BPHL: variants seen among roughly 807,000 people sequenced by gnomAD.
The protein encoded by BPHL is biphenyl hydrolase like, also known as serine hydrolase BPHL.
A neutral mutation model predicts 31.2 loss-of-function variants in BPHL; 27 were observed. That is an observed-to-expected ratio of 0.87 (90% CI 0.64 to 1.19). BPHL has a LOEUF of 1.19. BPHL is among the 50% of genes most tolerant of loss of function. The pLI is 0.00. For synonymous variants in BPHL, 150 were observed against 146.8 expected, an observed-to-expected ratio of 1.02 and a Z score of -0.16; for missense variants, 356 against 375.7, an observed-to-expected ratio of 0.95 and a Z score of 0.43.
chr6:3,150,720 A>G (rs539089301), intron 6 of BPHL, among the ~76,000 whole-genome samples: 51 of 152,350 alleles, frequency 3.3e-4, no homozygotes, highest in Middle Eastern at 3.4e-3. Flanking sequence ...ATGCCCATCT[A>G]TTGTGGTCCT....
chr6:3,120,155 C>T (rs1452173364), intron 1 of BPHL, among the ~76,000 whole-genome samples: 5 of 152,134 alleles, frequency 3.3e-5, no homozygotes, highest in Non-Finnish European at 7.4e-5. Context: ...TGGCCTCAGC[C>T]TCCCGAGTAG....
chr6:3,118,612 G>A, upstream of BPHL: 1 of 617,056 alleles, frequency 1.6e-6, no homozygotes, highest in Non-Finnish European at 2.3e-6. Flanking sequence ...GGCGGGGCGG[G>A]CAGAGGGCGG....
intron 4 of BPHL, among the ~76,000 whole-genome samples, chr6:3,132,135 TC>T (rs1198221771): frequency 6.6e-6 from 1 of 152,066 alleles, no homozygotes; most frequent in African/African-American, 2.4e-5. Context: ...TTCTTTTTCA[TC>T]CCCCATCCTC....
At chr6:3,127,967 C>T (rs1306389212) in intron 3 of BPHL, among the ~76,000 whole-genome samples, 2 of 152,036 alleles carry the variant, frequency 1.3e-5, no homozygotes. Flanking sequence ...ATTACAGGCA[C>T]ATGCCACTAT....
intron 4 of BPHL, among the ~76,000 whole-genome samples, chr6:3,133,182 A>G (rs2113758292): frequency 6.6e-6 from 1 of 152,272 alleles, no homozygotes; most frequent in East Asian, 1.9e-4. Context: ...CACAAAAGTG[A>G]GGAAACCTTC....
At position 3,127,740 on chromosome 6, in the gene BPHL, CAATAAATATGCATTTATACTAGTT is replaced by C. The variant is rs557033378; in HGVS notation, c.378+333_378+356del. ...TTTTTCAAGGAAATAACTTTCATGT[CAATAAATATGCATTTATACTAGTT>C]GTATGATAGGCACATATTATTCCAT... On this transcript the variant is annotated intron_variant, in intron 3 of 6. Coordinates refer to ENST00000380379, the MANE Select transcript of BPHL (RefSeq NM_004332.4). Among the ~76,000 whole-genome samples, 98 of 152,122 alleles carry C rather than the reference CAATAAATATGCATTTATACTAGTT, an allele frequency of 6.4e-4. 1 individual carries two copies. In the East Asian group the frequency reaches 0.018, roughly 27 times the overall value.
chr6:3,137,480 A>C lies in BPHL; in HGVS notation c.651A>C (p.Lys217Asn). 1 of 1,613,654 alleles carries C rather than the reference A, an allele frequency of 6.2e-7. No individual in the cohort carries two copies. Among genetic ancestry groups the C allele is most frequent in the Non-Finnish European group, 8.5e-7 (1 of 1,179,942 alleles). Residue 217 changes from lysine to asparagine, a missense_variant, in exon 5 of 7, where the codon AAA (lysine) becomes AAC (asparagine). Lys to Asn is a moderately conservative substitution (Grantham distance 94). Coordinates refer to ENST00000380379, the MANE Select transcript of BPHL (RefSeq NM_004332.4). Reference protein sequence around the residue: ...EKWVDGIRQFKHLPDGNICRH... With the variant: ...EKWVDGIRQFNHLPDGNICRH... ...GGGTGGATGGCATAAGACAGTTTAA[A>C]CATCTCCCAGATGGTAGGTTACTGG...
intron 1 of BPHL, among the ~76,000 whole-genome samples, chr6:3,122,410 T>G (rs1761602429): frequency 1.3e-5 from 2 of 152,250 alleles, no homozygotes; most frequent in African/African-American, 2.4e-5. Flanking sequence ...CCTCCTGTGC[T>G]TCACTCAGTC....
At position 3,118,775 on chromosome 6, in the gene BPHL, G is replaced by T. The variant is rs1761464604; in HGVS notation, c.35G>T (p.Arg12Leu). ...VAVLGGRGVLRLRLLLSALKP... is the reference protein window; with the variant it reads ...VAVLGGRGVLLLRLLLSALKP... ...GTGCTGGGCGGCCGGGGCGTGTTGC[G>T]CCTGCGGCTGCTTCTCTCAGCGCTG... The change falls in exon 1 of 7, where the codon CGC becomes CTC. Residue 12 changes from arginine (R) to leucine (L), a missense_variant. Arg to Leu is a moderately radical substitution (Grantham distance 102, BLOSUM62 -2). Transcript: ENST00000380379. The T allele has an allele frequency of 4.8e-6, 6 of 1,252,636 alleles. No homozygotes were observed. The highest frequency in any genetic ancestry group is 5.0e-6 in the Non-Finnish European group (5 of 994,998). 77.6% of individuals were successfully genotyped at this position (1,252,636 alleles called of 1,614,324 possible). A position where few individuals can be genotyped will look rare whatever the true frequency, so the allele number is the denominator to read the frequency against.
intron 1 of BPHL, chr6:3,119,204 A>G (rs1284581335): frequency 6.1e-6 from 8 of 1,308,378 alleles, no homozygotes; most frequent in African/African-American, 2.9e-5. Context: ...TAGAATCCCA[A>G]CGCCCTCATT....
At chr6:3,121,287 GTTTCTTTTTT>G (rs1389565439) in intron 1 of BPHL, among the ~76,000 whole-genome samples, 12 of 116,976 alleles carry the variant, frequency 1.0e-4, no homozygotes, top group African/African-American at 3.9e-4. Flanking sequence ...GATAATAGCA[GTTTCTTTTTT>G]TTTTTTTTTT....
intron 1 of BPHL, 151 bp from the exon 2 acceptor site, chr6:3,123,506 T>C: frequency 1.7e-6 from 1 of 578,016 alleles, no homozygotes; most frequent in Non-Finnish European, 3.1e-6. Context: ...CTTCTAGCTA[T>C]TTTAAACTAT....
chr6:3,142,125 GT>G (rs145975741), intron 6 of BPHL, among the ~76,000 whole-genome samples: 14 of 147,220 alleles, frequency 9.5e-5, no homozygotes, highest in Non-Finnish European at 9.0e-5. Context: ...TTTTTTGTTT[GT>G]TTTTTTTTTG....
At chr6:3,144,867 G>A (rs957971743) in intron 6 of BPHL, among the ~76,000 whole-genome samples, 1 of 152,206 alleles carries the variant, frequency 6.6e-6, no homozygotes, top group Non-Finnish European at 1.5e-5. Flanking sequence ...GATGGGCTGG[G>A]GTCACCAGTG....
intron 6 of BPHL, among the ~76,000 whole-genome samples, chr6:3,141,807 G>A (rs1762185813): frequency 6.6e-6 from 1 of 151,858 alleles, no homozygotes; most frequent in Admixed American, 6.6e-5. Context: ...AACCCCATCT[G>A]TACTAAAAAT....
At chr6:3,142,550 G>T (rs1762209761) in intron 6 of BPHL, among the ~76,000 whole-genome samples, 1 of 152,104 alleles carries the variant, frequency 6.6e-6, no homozygotes, top group Admixed American at 6.5e-5. Flanking sequence ...TATAGTTTAT[G>T]ACATATTTAT....
intron 6 of BPHL, among the ~76,000 whole-genome samples, chr6:3,148,908 TC>T (rs1442789775): frequency 6.6e-6 from 1 of 152,180 alleles, no homozygotes; most frequent in African/African-American, 2.4e-5. Context: ...TTAATTGTGC[TC>T]CCCTGAGTCA....
At chr6:3,123,070 T>C (rs1254890792) in intron 1 of BPHL, among the ~76,000 whole-genome samples, 3 of 152,358 alleles carry the variant, frequency 2.0e-5, no homozygotes, top group East Asian at 3.9e-4. Flanking sequence ...TCTGTGGCCA[T>C]TGATTGAGCA....
At chr6:3,129,726 A>T (rs1761816735) in intron 4 of BPHL, among the ~76,000 whole-genome samples, 1 of 151,822 alleles carries the variant, frequency 6.6e-6, no homozygotes, top group South Asian at 2.1e-4. Flanking sequence ...GGATACAAAT[A>T]TGAAACCTTT....
Sources: gnomAD v4.1 joint callset for allele counts (sites outside exome capture counted in the v4.1 genomes callset) on GRCh38, gnomAD v4.1.1 for gene constraint, MANE v1.5 for transcripts, NCBI Gene and HGNC (gene_info 2026-07-23, HGNC 2026-07-21) for gene names.